The following THADA variants were observed in gnomAD, a reference collection of about 807,000 sequenced individuals.
The protein encoded by THADA is THADA armadillo repeat containing.
A neutral mutation model predicts 219.8 loss-of-function variants in THADA; 213 were observed. The ratio of observed to expected loss-of-function variants is 0.97; its 90% CI spans 0.87 to 1.09. The LOEUF (loss-of-function observed/expected upper bound fraction) is 1.09, where lower values mean the gene tolerates loss of function less well. Among genes scored for constraint, THADA ranks in the 50% least tolerant of loss-of-function variants. The pLI, the probability that THADA is intolerant of heterozygous loss-of-function variation, is 0.00. For synonymous variants in THADA, 1,018 were observed against 828.9 expected, an observed-to-expected ratio of 1.23 and a Z score of -3.92; for missense variants, 2,956 against 2,311.3, an observed-to-expected ratio of 1.28 and a Z score of -5.72.
At chr2:43,584,082 T>C (rs1453147043) in intron 7 of THADA, among the ~76,000 whole-genome samples, 1 of 144,008 alleles carries the variant, frequency 6.9e-6, no homozygotes, top group Non-Finnish European at 1.5e-5. Flanking sequence ...GAAATAAGCC[T>C]GACACAAAAG....
chr2:43,591,024 C>A (rs1295258013), intron 3 of THADA, 70 bp from the exon 4 acceptor site: 6 of 1,455,716 alleles, frequency 4.1e-6, no homozygotes, highest in Non-Finnish European at 5.7e-6. Flanking sequence ...TACAGATACT[C>A]TTTGAAGTCT....
At chr2:43,353,100 T>G (rs562702776) in intron 29 of THADA, among the ~76,000 whole-genome samples, 53 of 152,350 alleles carry the variant, frequency 3.5e-4, no homozygotes, top group African/African-American at 1.2e-3. Context: ...CTGAATAATA[T>G]TCTACTGCAC....
At chr2:43,334,666 T>G (rs1253090840) in intron 30 of THADA, among the ~76,000 whole-genome samples, 1 of 151,772 alleles carries the variant, frequency 6.6e-6, no homozygotes, top group East Asian at 1.9e-4. Context: ...TCCCAGCTAC[T>G]CGGGAGGCTC....
At chr2:43,578,245 C>T (rs556030213) in intron 9 of THADA, among the ~76,000 whole-genome samples, 51 of 151,618 alleles carry the variant, frequency 3.4e-4, no homozygotes, top group African/African-American at 1.7e-4. Context: ...TAGGCTCAAG[C>T]GATCCTCCTA....
intron 25 of THADA, chr2:43,491,955 TCA>T (rs915489066): frequency 4.1e-4 from 62 of 152,306 alleles, no homozygotes; most frequent in African/African-American, 1.4e-3. Context: ...TCTCTTCTAT[TCA>T]CAGAGTGTAT....
chr2:43,527,032 C>T (rs1377682228), intron 22 of THADA, among the ~76,000 whole-genome samples: 1 of 152,110 alleles, frequency 6.6e-6, no homozygotes, highest in Admixed American at 6.6e-5. Context: ...CATTTAAAGA[C>T]ATTCTGTGCA....
chr2:43,507,685 C>A (rs1689857438), intron 23 of THADA, among the ~76,000 whole-genome samples: 1 of 152,118 alleles, frequency 6.6e-6, no homozygotes, highest in African/African-American at 2.4e-5. Context: ...AAATCAGAGA[C>A]TTCATTCCAT....
intron 29 of THADA, among the ~76,000 whole-genome samples, chr2:43,344,780 T>A (rs915448789): frequency 6.6e-6 from 1 of 152,034 alleles, no homozygotes; most frequent in East Asian, 1.9e-4. Context: ...TTTTTTTTTT[T>A]AGCAGATCTT....
At chr2:43,446,473 C>T (rs1413348787) in intron 26 of THADA, among the ~76,000 whole-genome samples, 1 of 152,156 alleles carries the variant, frequency 6.6e-6, no homozygotes, top group African/African-American at 2.4e-5. Context: ...CCACTTTGGC[C>T]CCCAGTCATT....
chr2:43,424,917 A>G (rs1242651659), intron 28 of THADA, among the ~76,000 whole-genome samples: 1 of 152,094 alleles, frequency 6.6e-6, no homozygotes, highest in African/African-American at 2.4e-5. Context: ...CAAAATAAGG[A>G]ACAGATCCCA....
At chr2:43,299,277 A>T (rs1381678341) in intron 31 of THADA, among the ~76,000 whole-genome samples, 1 of 152,190 alleles carries the variant, frequency 6.6e-6, no homozygotes, top group African/African-American at 2.4e-5. Flanking sequence ...TTTGGGAGAT[A>T]CAGAGATGCA....
chr2:43,313,065 T>TA (rs762059808), intron 31 of THADA, among the ~76,000 whole-genome samples: 26 of 152,226 alleles, frequency 1.7e-4, no homozygotes, highest in Non-Finnish European at 7.3e-5. Flanking sequence ...TAAAGGAAAT[T>TA]AATATGTCAT....
chr2:43,406,334 C>T (rs1436561681), intron 28 of THADA, among the ~76,000 whole-genome samples: 1 of 152,186 alleles, frequency 6.6e-6, no homozygotes, highest in African/African-American at 2.4e-5. Flanking sequence ...TAGAAATATT[C>T]TTAAATAAAT....
In THADA at chr2:43,231,291, G is replaced by A; in HGVS notation, c.5519C>T (p.Thr1840Ile). 6.3e-7 allele frequency: 1 copy of A among 1,587,226 alleles called. No individual in the cohort carries two copies. Among genetic ancestry groups the A allele is most frequent in the Non-Finnish European group, 8.5e-7 (1 of 1,170,730 alleles). The change falls in exon 38 of 38, where the codon ACC becomes ATC. Residue 1840 changes from threonine (T) to isoleucine (I), a missense_variant. Physicochemically the swap from Thr to Ile is moderately conservative, Grantham distance 89. Transcript: ENST00000405975. ...EKAEVNFWAE[T>I]LIFVKYLCKH... is the part of the protein sequence containing the mutation. ...GCAGAGGTATTTCACAAAGATCAGGGTCTCGGCCCAAAAGTTGACTTCTGC... is the reference window on the plus strand; with the variant it reads ...GCAGAGGTATTTCACAAAGATCAGGATCTCGGCCCAAAAGTTGACTTCTGC...
intron 26 of THADA, among the ~76,000 whole-genome samples, chr2:43,477,255 A>G (rs1430889732): frequency 2.6e-5 from 4 of 152,134 alleles, no homozygotes; most frequent in Non-Finnish European, 4.4e-5. Flanking sequence ...AGAGAGAGAG[A>G]GAGAGAGAGA....
chr2:43,474,810 G>T (rs981203629), intron 26 of THADA, among the ~76,000 whole-genome samples: 1 of 152,108 alleles, frequency 6.6e-6, no homozygotes, highest in Admixed American at 6.5e-5. Flanking sequence ...TTCTAGAATT[G>T]TGTTTATAGA....
chr2:43,302,937 A>G (rs190501007), intron 31 of THADA, among the ~76,000 whole-genome samples: 75 of 152,180 alleles, frequency 4.9e-4, no homozygotes, highest in African/African-American at 1.7e-3. Context: ...CTAAAAACTA[A>G]AAACTAAGAA....
intron 19 of THADA, 136 bp downstream of exon 19, chr2:43,551,653 C>G: frequency 1.3e-6 from 1 of 767,730 alleles, no homozygotes; most frequent in Non-Finnish European, 1.8e-6. Context: ...GCAGAAATAC[C>G]ACAAATAATA....
At chr2:43,574,045 ACAAT>A (rs1020561795) in intron 11 of THADA, among the ~76,000 whole-genome samples, 2 of 129,084 alleles carry the variant, frequency 1.5e-5, no homozygotes, top group African/African-American at 6.5e-5. Context: ...TTTCAGTGAT[ACAAT>A]AAAATAAATT....
Sources: allele counts gnomAD v4.1 joint callset (sites outside exome capture counted in the v4.1 genomes callset), GRCh38; gene constraint gnomAD v4.1.1; transcripts MANE v1.5; gene names NCBI Gene and HGNC (gene_info 2026-07-23, HGNC 2026-07-21).